TOLLIP: variants seen among roughly 807,000 people sequenced by gnomAD.
TOLLIP encodes the protein toll interacting protein.
Under a neutral mutation model 33.5 loss-of-function variants are expected in TOLLIP, and 16 were observed. The observed-to-expected ratio is 0.48, with a 90% CI of 0.32 to 0.72. The LOEUF is 0.72. Among genes scored for constraint, TOLLIP ranks in the 30% least tolerant of loss-of-function variants. The pLI, the probability that TOLLIP is intolerant of heterozygous loss-of-function variation, is 0.03. For synonymous variants in TOLLIP, 176 were observed against 163.7 expected (o/e 1.07, Z -0.57); for missense variants, 325 against 396.6 (o/e 0.82, Z 1.53).
rs115849875 is a variant in TOLLIP at position 1,287,876 on chromosome 11, C to T, written c.519+748G>A. ...GCCGCACCCTCTCTGCTGCAGCCTCCCTGCTGCACCCTCCCTGCTGCACCC... is the reference window on the plus strand; with the variant it reads ...GCCGCACCCTCTCTGCTGCAGCCTCTCTGCTGCACCCTCCCTGCTGCACCC... On this transcript the variant is annotated intron_variant, in intron 4 of 5. Transcript: ENST00000317204. Among the ~76,000 whole-genome samples, 34 of 107,716 alleles carry T rather than the reference C, an allele frequency of 3.2e-4. 11 individuals are homozygous for T. The South Asian group carries it at 4.2e-3, about 13-fold the overall frequency. The allele number at this position is 107,716 out of a possible 152,430, so 70.7% of individuals were successfully genotyped here. A position where few individuals can be genotyped will look rare whatever the true frequency, so the allele number is the denominator to read the frequency against.
chr11:1,299,447 C>T (rs1007110418), intron 1 of TOLLIP, among the ~76,000 whole-genome samples: 4 of 152,250 alleles, frequency 2.6e-5, no homozygotes, highest in South Asian at 2.1e-4. Context: ...TAAACCCTAT[C>T]GTTTCAGTGA....
chr11:1,279,789 T>C lies in TOLLIP; in HGVS notation c.611-2536A>G, dbSNP rs562145806. Among the ~76,000 whole-genome samples, 6 of 152,320 alleles carry C rather than the reference T, an allele frequency of 3.9e-5. No homozygotes were observed. The East Asian group carries it at 1.2e-3, about 29-fold the overall frequency. On this transcript the variant is annotated intron_variant, in intron 5 of 5. Transcript: ENST00000317204. ...TGTCCCTTTTCCATTCAGGAAAAAT[T>C]GCTCCGAGAAGGCCCTGATCTCAGA...
intron 1 of TOLLIP, among the ~76,000 whole-genome samples, chr11:1,304,052 A>T (rs1300786741): frequency 2.0e-5 from 3 of 151,676 alleles, no homozygotes; most frequent in African/African-American, 7.3e-5. Context: ...AAAAAAAAAA[A>T]AAAGACCTCA....
rs1428120205 is a variant in TOLLIP, at chr11:1,286,687, CTAAGT to C, written c.520-600_520-596del. Among the ~76,000 whole-genome samples the C allele has an allele frequency of 4.0e-5, 6 of 151,828 alleles. No individual in the cohort carries two copies. In the East Asian group the frequency reaches 9.6e-4, roughly 24 times the overall value. ...ATAAGTCACTGCACCGCTGTCATCT[CTAAGT>C]TTAGTTCAAAACTGTCCACTGTGGA... On this transcript the variant is annotated intron_variant, in intron 4 of 5. Coordinates refer to ENST00000317204, the MANE Select transcript of TOLLIP (RefSeq NM_019009.4).
At chr11:1,285,153 T>A (rs555217638) in intron 5 of TOLLIP, among the ~76,000 whole-genome samples, 1 of 144,296 alleles carries the variant, frequency 6.9e-6, no homozygotes, top group Non-Finnish European at 1.5e-5. Context: ...TAACACCACC[T>A]CCCCCAACAC....
At chr11:1,283,629 C>G (rs184375012) in intron 5 of TOLLIP, 4 of 451,514 alleles carry the variant, frequency 8.9e-6, no homozygotes, top group Non-Finnish European at 1.8e-5. Context: ...GTTTGTCTAG[C>G]CTTTCCTAAA....
At chr11:1,282,384 T>C (rs957421960) in intron 5 of TOLLIP, among the ~76,000 whole-genome samples, 2 of 152,186 alleles carry the variant, frequency 1.3e-5, no homozygotes, top group African/African-American at 4.8e-5. Context: ...GACGAGTCAA[T>C]GGGTGCAGCA....
intron 5 of TOLLIP, among the ~76,000 whole-genome samples, chr11:1,285,355 T>C (rs1863655690): frequency 6.6e-6 from 1 of 152,204 alleles, no homozygotes; most frequent in Admixed American, 6.5e-5. Flanking sequence ...GGGGCTGCGG[T>C]CTCCCCGCCT....
At chr11:1,306,717 C>A (rs1163189043) in intron 1 of TOLLIP, among the ~76,000 whole-genome samples, 1 of 152,072 alleles carries the variant, frequency 6.6e-6, no homozygotes, top group African/African-American at 2.4e-5. Context: ...CCAGGCAACA[C>A]TTTACAGAGT....
At chr11:1,301,388 C>T (rs1435350988) in intron 1 of TOLLIP, among the ~76,000 whole-genome samples, 1 of 152,178 alleles carries the variant, frequency 6.6e-6, no homozygotes, top group Non-Finnish European at 1.5e-5. Flanking sequence ...AAACGGCATC[C>T]GCAGGCGCCT....
intron 5 of TOLLIP, among the ~76,000 whole-genome samples, chr11:1,282,230 G>A (rs1863525968): frequency 6.6e-6 from 1 of 152,214 alleles, no homozygotes; most frequent in Non-Finnish European, 1.5e-5. Flanking sequence ...AGGATCAGAG[G>A]AGGCCAAAGA....
At chr11:1,295,426 C>G (rs1047762908) in intron 2 of TOLLIP, 1 of 525,440 alleles carries the variant, frequency 1.9e-6, no homozygotes, top group Admixed American at 3.3e-5. Flanking sequence ...CCCACCTACA[C>G]CCACTACTCA....
intron 4 of TOLLIP, among the ~76,000 whole-genome samples, chr11:1,287,383 CT>C (rs1863750155): frequency 7.5e-6 from 1 of 133,752 alleles, no homozygotes. Context: ...AGAAAAGCAG[CT>C]CCCTGCTGCT....
intron 2 of TOLLIP, chr11:1,295,278 C>G: frequency 5.4e-6 from 1 of 185,402 alleles, no homozygotes; most frequent in Non-Finnish European, 1.1e-5. Context: ...CTGAGGCCAA[C>G]AGGAAGCCAC....
At position 1,297,538 on chromosome 11, in the gene TOLLIP, GCTCTT is replaced by G. The variant is rs373918504; in HGVS notation, c.34-1749_34-1745del. On this transcript the variant is annotated intron_variant, in intron 1 of 5. Transcript: ENST00000317204. ...CAGCCAGCATGGCGTGTGCTCAACC[GCTCTT>G]CTCTAAAAAGCAAAACACACTTTGT... Among the ~76,000 whole-genome samples the G allele has an allele frequency of 5.9e-5, 9 of 152,342 alleles. No individual in the cohort carries two copies. The East Asian group carries it at 1.2e-3, about 20-fold the overall frequency.
At chr11:1,304,072 G>A (rs1864359096) in intron 1 of TOLLIP, among the ~76,000 whole-genome samples, 1 of 151,576 alleles carries the variant, frequency 6.6e-6, no homozygotes, top group Admixed American at 6.6e-5. Flanking sequence ...AAGTGAACTG[G>A]GAGGCAGGCC....
intron 1 of TOLLIP, 57 bp from the exon 2 acceptor site, chr11:1,295,851 C>G: frequency 6.7e-7 from 1 of 1,495,104 alleles, no homozygotes; most frequent in Non-Finnish European, 9.0e-7. Flanking sequence ...CAAAGCAGCC[C>G]GACAGCAGCT....
chr11:1,297,478 C>T (rs777604288), intron 1 of TOLLIP, among the ~76,000 whole-genome samples: 1 of 152,368 alleles, frequency 6.6e-6, no homozygotes, highest in East Asian at 1.9e-4. Flanking sequence ...CCCCCAAGTT[C>T]GGGAAGCTCT....
At chr11:1,289,556 G>A (rs1382384126) in intron 3 of TOLLIP, among the ~76,000 whole-genome samples, 5 of 152,360 alleles carry the variant, frequency 3.3e-5, no homozygotes, top group East Asian at 1.9e-4. Flanking sequence ...GTAGGCAGCC[G>A]CACTCTCTGG....
Sources: allele counts gnomAD v4.1 joint callset (sites outside exome capture counted in the v4.1 genomes callset), GRCh38; gene constraint gnomAD v4.1.1; transcripts MANE v1.5; gene names NCBI Gene and HGNC (gene_info 2026-07-23, HGNC 2026-07-21).